Variants in ATP8A2 observed in about 807,000 individuals in gnomAD.
ATP8A2 encodes the protein ATPase phospholipid transporting 8A2, also known as phospholipid-transporting ATPase IB.
Under a neutral mutation model 165.6 loss-of-function variants are expected in ATP8A2, and 100 were observed. That is an observed-to-expected ratio of 0.60 (90% CI 0.51 to 0.71). The LOEUF (loss-of-function observed/expected upper bound fraction) is 0.71. ATP8A2 is among the 30% of genes least tolerant of loss of function. ATP8A2 has a pLI of 0.00. For synonymous variants in ATP8A2, 543 were observed against 548.8 expected, an observed-to-expected ratio of 0.99 and a Z score of 0.15; for missense variants, 1,227 against 1,479.5, an observed-to-expected ratio of 0.83 and a Z score of 2.80.
chr13:25,661,073 G>A (rs548107714), intron 24 of ATP8A2, among the ~76,000 whole-genome samples: 8 of 152,264 alleles, frequency 5.3e-5, no homozygotes, highest in South Asian at 2.1e-4. Context: ...TCACACGTGC[G>A]TCTCTGAGAG....
At position 26,020,124 on chromosome 13, in the gene ATP8A2, T is replaced by G. The variant is rs1028182778; in HGVS notation, c.*139T>G. Reference sequence around the variant, plus strand: ...TTTCTGTGGCCTTAGCCAAGCAGTTTGTTAGTTACATATTCCCTCGCAAAC... The same window carrying G: ...TTTCTGTGGCCTTAGCCAAGCAGTTGGTTAGTTACATATTCCCTCGCAAAC... On this transcript the variant is annotated 3_prime_UTR_variant, in exon 37 of 37. Transcript: ENST00000381655. 4 of 663,974 alleles carry G rather than the reference T, an allele frequency of 6.0e-6. No homozygotes were observed. The highest frequency in any genetic ancestry group is 2.5e-5 in the Admixed American group (1 of 39,490). The allele number at this position is 663,974 out of a possible 1,614,324, so 41.1% of individuals were successfully genotyped here. A position where few individuals can be genotyped will look rare whatever the true frequency, so the allele number is the denominator to read the frequency against.
At chr13:25,387,027 C>T (rs1275982915) in intron 1 of ATP8A2, among the ~76,000 whole-genome samples, 2 of 152,068 alleles carry the variant, frequency 1.3e-5, no homozygotes, top group Non-Finnish European at 2.9e-5. Context: ...AAACAAAAAA[C>T]AGGATTCAGT....
intron 2 of ATP8A2, among the ~76,000 whole-genome samples, chr13:25,470,491 G>A (rs1476174115): frequency 6.6e-6 from 1 of 152,164 alleles, no homozygotes; most frequent in East Asian, 1.9e-4. Context: ...GATGAAAAAC[G>A]ATGGAGCTGC....
chr13:25,654,971 C>T (rs1041954526), intron 24 of ATP8A2, among the ~76,000 whole-genome samples: 3 of 152,022 alleles, frequency 2.0e-5, no homozygotes, highest in East Asian at 1.9e-4. Context: ...CCCAGTGTAC[C>T]GAAGGGTGAT....
At chr13:25,873,502 G>C (rs186976549) in intron 33 of ATP8A2, among the ~76,000 whole-genome samples, 1 of 152,260 alleles carries the variant, frequency 6.6e-6, no homozygotes, top group African/African-American at 2.4e-5. Context: ...TTATGTAAGT[G>C]ACAATTTCTA....
intron 24 of ATP8A2, among the ~76,000 whole-genome samples, chr13:25,680,325 T>C (rs1410862936): frequency 1.3e-5 from 2 of 152,054 alleles, no homozygotes; most frequent in Non-Finnish European, 2.9e-5. Context: ...GAGGCTGAGA[T>C]GGAAGTTAGC....
chr13:25,936,978 T>C (rs1954910440), intron 33 of ATP8A2, among the ~76,000 whole-genome samples: 2 of 152,236 alleles, frequency 1.3e-5, no homozygotes, highest in Non-Finnish European at 2.9e-5. Flanking sequence ...AGGTGGCTTC[T>C]TGTTTCCTTC....
At chr13:25,831,551 A>G (rs1951470517) in intron 28 of ATP8A2, among the ~76,000 whole-genome samples, 1 of 152,072 alleles carries the variant, frequency 6.6e-6, no homozygotes, top group Non-Finnish European at 1.5e-5. Context: ...TAGCATTAAA[A>G]CAGACTTGAG....
At chr13:25,776,466 T>C (rs575946286) in intron 27 of ATP8A2, among the ~76,000 whole-genome samples, 1 of 152,342 alleles carries the variant, frequency 6.6e-6, no homozygotes, top group South Asian at 2.1e-4. Context: ...AAATCAATAA[T>C]TTAAAAAATT....
rs368511368 is a variant in ATP8A2, at chr13:25,795,951, C to CT, written c.2679+21006dup. ...ACAGGACAGCATTTCACTAACATAT[C>CT]TTTTTTTTTTTTTTAAAAGACAGGG... On this transcript the variant is annotated intron_variant, in intron 27 of 36. Coordinates refer to ENST00000381655, the MANE Select transcript of ATP8A2 (RefSeq NM_016529.6). 3.3e-3 allele frequency among the ~76,000 whole-genome samples: 476 copies of CT among 144,628 alleles called. 2 individuals carry two copies. Among genetic ancestry groups the CT allele is most frequent in the Non-Finnish European group, 4.7e-3 (307 of 65,512 alleles). The allele number at this position is 144,628 out of a possible 152,430, so 94.9% of individuals were successfully genotyped here. A position where few individuals can be genotyped will look rare whatever the true frequency, so the allele number is the denominator to read the frequency against.
intron 24 of ATP8A2, among the ~76,000 whole-genome samples, chr13:25,690,259 T>C (rs927887803): frequency 3.3e-5 from 5 of 152,186 alleles, no homozygotes; most frequent in Admixed American, 6.5e-5. Flanking sequence ...ATAGTCTCTT[T>C]CTTACAAATG....
intron 27 of ATP8A2, among the ~76,000 whole-genome samples, chr13:25,813,217 A>G (rs1270502400): frequency 1.3e-5 from 2 of 152,134 alleles, no homozygotes; most frequent in Non-Finnish European, 2.9e-5. Context: ...AACTTAAAAT[A>G]AAATTAAAAA....
At chr13:25,827,370 C>T (rs143286064) in intron 27 of ATP8A2, among the ~76,000 whole-genome samples, 8 of 152,302 alleles carry the variant, frequency 5.3e-5, no homozygotes, top group Non-Finnish European at 1.2e-4. Context: ...CCTCGGCTTC[C>T]CAGAGTGCTG....
At chr13:25,405,775 T>C (rs2033782722) in intron 1 of ATP8A2, among the ~76,000 whole-genome samples, 1 of 152,246 alleles carries the variant, frequency 6.6e-6, no homozygotes. Flanking sequence ...TATTGTGCTA[T>C]GTTTTTAGGC....
At chr13:25,911,120 C>G (rs890933827) in intron 33 of ATP8A2, among the ~76,000 whole-genome samples, 3 of 135,350 alleles carry the variant, frequency 2.2e-5, no homozygotes, top group Middle Eastern at 3.2e-3. Flanking sequence ...AAATTAGCAT[C>G]TGACTGACCC....
chr13:26,014,330 C>T (rs185488838), intron 36 of ATP8A2, among the ~76,000 whole-genome samples: 1 of 152,332 alleles, frequency 6.6e-6, no homozygotes, highest in East Asian at 1.9e-4. Context: ...AAGGCTTTAT[C>T]TGGTGCTATA....
intron 1 of ATP8A2, among the ~76,000 whole-genome samples, chr13:25,463,644 A>G (rs2035562394): frequency 1.3e-5 from 2 of 152,320 alleles, no homozygotes; most frequent in African/African-American, 4.8e-5. Flanking sequence ...CCACGCACAC[A>G]TTCCAAGTGA....
chr13:25,598,302 A>AT (rs1304802915), intron 24 of ATP8A2, among the ~76,000 whole-genome samples: 1 of 151,816 alleles, frequency 6.6e-6, no homozygotes, highest in Non-Finnish European at 1.5e-5. Context: ...CTCCAACTTT[A>AT]TTTTTTTTAA....
At chr13:25,812,400 G>T in intron 27 of ATP8A2, among the ~76,000 whole-genome samples, 1 of 16,344 alleles carries the variant, frequency 6.1e-5, no homozygotes. Context: ...ACCATTTCCT[G>T]GATTCCTTGT....
Sources: gnomAD v4.1 joint callset for allele counts (sites outside exome capture counted in the v4.1 genomes callset) on GRCh38, gnomAD v4.1.1 for gene constraint, MANE v1.5 for transcripts, NCBI Gene and HGNC (gene_info 2026-07-23, HGNC 2026-07-21) for gene names.